USP32: variants seen among roughly 807,000 people sequenced by gnomAD.
The protein encoded by USP32 is ubiquitin carboxyl-terminal hydrolase 32.
Under a neutral mutation model 204.8 loss-of-function variants are expected in USP32, and 59 were observed. That is an observed-to-expected ratio of 0.29 (90% CI 0.23 to 0.36). The LOEUF (loss-of-function observed/expected upper bound fraction) is 0.36, where lower values mean the gene tolerates loss of function less well. Among genes scored for constraint, USP32 ranks in the 10% least tolerant of loss-of-function variants. The pLI, the probability that USP32 is intolerant of heterozygous loss-of-function variation, is 1.00. For synonymous variants in USP32, 517 were observed against 678.4 expected (o/e 0.76, Z 3.70); for missense variants, 1,160 against 1,946.4 (o/e 0.60, Z 7.60).
At position 60,345,489 on chromosome 17, in the gene USP32, C is replaced by T. The variant is rs1304766209; in HGVS notation, c.178G>A (p.Val60Ile). 7 of 1,614,060 alleles carry T rather than the reference C, an allele frequency of 4.3e-6. No homozygotes were observed. In the East Asian group the frequency reaches 1.1e-4, roughly 26 times the overall value. ...TAGAACAAAAAGATTACCTCAGCAA[C>T]CTTTGGAGGCACTCCATCCCCAAGC... is the stretch of plus-strand genomic sequence containing the variant. ...EVLGDGVPPK[V>I]AEVIYCSFGG... Residue 60 changes from valine to isoleucine, a missense_variant, in exon 2 of 34, where the codon GTT becomes ATT. Transcript: ENST00000300896.
chr17:60,372,188 T>C (rs906700541), intron 1 of USP32, among the ~76,000 whole-genome samples: 28 of 152,110 alleles, frequency 1.8e-4, no homozygotes, highest in African/African-American at 6.5e-4. Flanking sequence ...ACTAAAAGAA[T>C]ACAAAGTGGT....
intron 5 of USP32, among the ~76,000 whole-genome samples, chr17:60,271,978 AT>A (rs1380159404): frequency 6.6e-6 from 1 of 151,984 alleles, no homozygotes; most frequent in Admixed American, 6.6e-5. Flanking sequence ...CATCCAGCTA[AT>A]TTTTTAAAAA....
upstream of USP32, among the ~76,000 whole-genome samples, chr17:60,394,033 C>T (rs142634698): frequency 3.3e-4 from 50 of 152,326 alleles, no homozygotes; most frequent in East Asian, 9.2e-3. Context: ...AGATCAGCAG[C>T]GTGGCATTAG....
intron 1 of USP32, among the ~76,000 whole-genome samples, chr17:60,387,909 C>G (rs867116609): frequency 1.2e-4 from 18 of 152,238 alleles, no homozygotes; most frequent in South Asian, 2.1e-4. Context: ...TAATACTTTA[C>G]TGAAATATGA....
chr17:60,264,826 C>T (rs973453919), intron 9 of USP32, among the ~76,000 whole-genome samples: 2 of 138,102 alleles, frequency 1.4e-5, no homozygotes, highest in Non-Finnish European at 3.0e-5. Context: ...TGTCAGTGCA[C>T]TCCAGGCTGG....
In USP32 at chr17:60,181,449, C is replaced by T. The variant is rs1229077806; in HGVS notation, c.4423G>A (p.Glu1475Lys). 1.9e-6 allele frequency: 3 copies of T among 1,613,870 alleles called. No individual in the cohort carries two copies. The highest frequency in any genetic ancestry group is 1.7e-5 in the Admixed American group (1 of 59,992). Residue 1475 changes from glutamate (E) to lysine (K), a missense_variant, in exon 32 of 34, where the codon GAG (glutamate) becomes AAG (lysine). Glu to Lys is a moderately conservative substitution (Grantham distance 56). Around this residue, in one of 8 missense-constraint regions of USP32, gnomAD observed 244 missense variants for 342.3 expected, o/e 0.71. Coordinates refer to ENST00000300896, the MANE Select transcript of USP32 (RefSeq NM_032582.4). The part of the protein sequence containing the change: ...EVALANGFLY[E>K]HEACGNGYSN... ...TAGCCATTGCCACATGCTTCATGCT[C>T]ATAAAGGAATCCATTGGCCAAAGCT...
At chr17:60,241,062 A>G (rs1221545270) in intron 11 of USP32, among the ~76,000 whole-genome samples, 1 of 152,156 alleles carries the variant, frequency 6.6e-6, no homozygotes, top group African/African-American at 2.4e-5. Context: ...CAGTGGCTCA[A>G]TCTCAGCTCA....
chr17:60,331,103 T>C (rs764789954), intron 2 of USP32, among the ~76,000 whole-genome samples: 50 of 152,298 alleles, frequency 3.3e-4, no homozygotes, highest in Non-Finnish European at 3.7e-4. Flanking sequence ...AAAATACAAA[T>C]GCCCTAACAA....
At chr17:60,399,711 T>C (rs1331614321) in intron 1 of USP32, among the ~76,000 whole-genome samples, 2 of 151,798 alleles carry the variant, frequency 1.3e-5, no homozygotes, top group Non-Finnish European at 2.9e-5. Context: ...ACAAATAGAA[T>C]GGTCAGAGAG....
chr17:60,394,102 G>A (rs1598315157), upstream of USP32, among the ~76,000 whole-genome samples: 1 of 152,204 alleles, frequency 6.6e-6, no homozygotes, highest in East Asian at 1.9e-4. Flanking sequence ...CCTCAGATTA[G>A]CTGCATTACT....
At chr17:60,281,464 G>A (rs1490188145) in intron 5 of USP32, among the ~76,000 whole-genome samples, 1 of 151,862 alleles carries the variant, frequency 6.6e-6, no homozygotes, top group African/African-American at 2.4e-5. Context: ...CTGGAACTCG[G>A]AGGATGGAGG....
intron 15 of USP32, among the ~76,000 whole-genome samples, chr17:60,221,711 G>A (rs2085254467): frequency 1.3e-5 from 2 of 151,836 alleles, no homozygotes; most frequent in African/African-American, 4.8e-5. Flanking sequence ...TCACTATGTT[G>A]GCCAGGCTGG....
intron 27 of USP32, among the ~76,000 whole-genome samples, chr17:60,197,327 G>A (rs1445231177): frequency 7.2e-5 from 11 of 151,902 alleles, no homozygotes; most frequent in Admixed American, 1.3e-4. Flanking sequence ...TCTACAGGCC[G>A]GGTGTGGTGG....
intron 11 of USP32, among the ~76,000 whole-genome samples, chr17:60,241,156 G>A (rs1202617535): frequency 4.6e-5 from 7 of 152,074 alleles, no homozygotes; most frequent in Non-Finnish European, 8.8e-5. Context: ...CGCCACCATG[G>A]CCGGCTAATT....
intron 11 of USP32, among the ~76,000 whole-genome samples, chr17:60,245,993 C>T (rs1180655510): frequency 1.3e-5 from 2 of 151,832 alleles, no homozygotes; most frequent in African/African-American, 4.8e-5. Flanking sequence ...TTAGGATATT[C>T]ATCACCTCAA....
At position 60,221,998 on chromosome 17, in the gene USP32, C is replaced by G. The variant is rs192156618; in HGVS notation, c.1749+411G>C. ...GCCCCTCCTTCAAAAACATAAACCA[C>G]AAAAATCCACCAAAAGCTACAAGAA... On this transcript the variant is annotated intron_variant, in intron 15 of 33. Coordinates refer to ENST00000300896, the MANE Select transcript of USP32 (RefSeq NM_032582.4). Among the ~76,000 whole-genome samples the G allele has an allele frequency of 1.2e-4, 19 of 152,242 alleles. No homozygotes were observed. In the East Asian group the frequency reaches 2.3e-3, roughly 19 times the overall value.
chr17:60,366,442 C>CCA (rs1598290577), intron 1 of USP32, among the ~76,000 whole-genome samples: 1 of 152,116 alleles, frequency 6.6e-6, no homozygotes, highest in African/African-American at 2.4e-5. Flanking sequence ...CAGGCATGAG[C>CCA]CACAGTAGAG....
chr17:60,328,798 G>A (rs933480972), intron 2 of USP32, among the ~76,000 whole-genome samples: 1 of 152,192 alleles, frequency 6.6e-6, no homozygotes, highest in Non-Finnish European at 1.5e-5. Flanking sequence ...TGCTTGAAGT[G>A]CACCTGGTCC....
intron 26 of USP32, among the ~76,000 whole-genome samples, chr17:60,203,610 C>T (rs1360301175): frequency 6.6e-6 from 1 of 151,672 alleles, no homozygotes; most frequent in Non-Finnish European, 1.5e-5. Context: ...GAGTTTTGCT[C>T]TTGTCGCCCA....
Sources: gnomAD v4.1 joint callset for allele counts (sites outside exome capture counted in the v4.1 genomes callset) on GRCh38, gnomAD v4.1.1 for gene constraint, gnomAD v4.1.1 regional missense constraint, MANE v1.5 for transcripts, NCBI Gene and HGNC (gene_info 2026-07-23, HGNC 2026-07-21) for gene names.